Variants in CCDC74A observed in about 807,000 individuals in gnomAD.
CCDC74A encodes coiled-coil domain containing 74A.
Under a neutral mutation model 37.6 loss-of-function variants are expected in CCDC74A, and 38 were observed. That is an observed-to-expected ratio of 1.01 (90% CI 0.78 to 1.33). The LOEUF (loss-of-function observed/expected upper bound fraction) is 1.33. CCDC74A is among the 40% of genes most tolerant of loss of function. The pLI, the probability that CCDC74A is intolerant of heterozygous loss-of-function variation, is 0.00. For synonymous variants in CCDC74A, 134 were observed against 165.2 expected (o/e 0.81, Z 1.45); for missense variants, 340 against 403.4 (o/e 0.84, Z 1.35).
upstream of CCDC74A, among the ~76,000 whole-genome samples, chr2:131,522,777 C>G (rs1383741978): frequency 6.6e-6 from 1 of 152,212 alleles, no homozygotes; most frequent in African/African-American, 2.4e-5. Context: ...CTTGTGCAAG[C>G]AACTCACAAG....
chr2:131,530,297 C>T (rs1484753475), intron 2 of CCDC74A: 4 of 1,543,046 alleles, frequency 2.6e-6, no homozygotes, highest in Non-Finnish European at 3.5e-6. Flanking sequence ...CTGGGGCTGA[C>T]ATCAGGAGGA....
chr2:131,525,337 G>C (rs1190524185), upstream of CCDC74A, among the ~76,000 whole-genome samples: 1 of 151,834 alleles, frequency 6.6e-6, no homozygotes. Flanking sequence ...CTGCATCTCA[G>C]CCTTCTCAGT....
Position 131,532,617 on chromosome 2 carries a change from G to A in CCDC74A, c.514G>A (p.Gly172Arg). 1 of 1,603,698 alleles carries A rather than the reference G, an allele frequency of 6.2e-7. No homozygotes were observed. Among genetic ancestry groups the A allele is most frequent in the Non-Finnish European group, 8.5e-7 (1 of 1,175,274 alleles). ...RKEKAEASNA[G>R]AACMGNSQHQ... ...GGAGAAAGCAGAGGCCTCTAATGCA[G>A]GAGCTGCCTGTATGGGGAACAGCCA... Residue 172 changes from glycine (G) to arginine (R), a missense_variant, in exon 5 of 8, where the codon GGA (glycine) becomes AGA (arginine). Around this residue, in one of 3 missense-constraint regions of CCDC74A, gnomAD observed 185 missense variants for 231.5 expected, o/e 0.80. Coordinates refer to ENST00000409856, the MANE Select transcript of CCDC74A (RefSeq NM_001258306.3).
At chr2:131,530,150 C>T in intron 2 of CCDC74A, 1 of 1,549,736 alleles carries the variant, frequency 6.5e-7, no homozygotes, top group Non-Finnish European at 8.7e-7. Flanking sequence ...TGGGCAGCAA[C>T]CATGGGGACA....
rs1681582188 is a variant in CCDC74A at position 131,532,783 on chromosome 2, T to G, written c.678+2T>G. The G allele has an allele frequency of 6.2e-7, 1 of 1,613,008 alleles. No individual in the cohort carries two copies. On this transcript the variant is annotated splice_donor_variant, in intron 5 of 7. Transcript: ENST00000409856. LOFTEE classifies it high-confidence loss of function. ...ACCAACCTCCTGCAGACCCAAGAGG[T>G]GAGGCCCTGGGTGGTGGGGGTGGCC...
chr2:131,529,886 C>T, intron 2 of CCDC74A, 195 bp downstream of exon 2: 1 of 1,495,486 alleles, frequency 6.7e-7, no homozygotes, highest in Non-Finnish European at 8.9e-7. Context: ...ACAGCACGTG[C>T]TGCTCTCGGG....
chr2:131,522,883 C>G (rs1026097387), upstream of CCDC74A, among the ~76,000 whole-genome samples: 1 of 152,126 alleles, frequency 6.6e-6, no homozygotes, highest in Non-Finnish European at 1.5e-5. Context: ...ACCAATAACC[C>G]TGACATTTCC....
chr2:131,531,109 T>C (rs1384565425), intron 3 of CCDC74A, among the ~76,000 whole-genome samples: 41 of 152,064 alleles, frequency 2.7e-4, no homozygotes, highest in Admixed American at 5.2e-4. Flanking sequence ...CGGGTGGCCT[T>C]CTAGGGAGGA....
At chr2:131,522,659 C>T in the CCDC74A span, among the ~76,000 whole-genome samples, 1 of 152,162 alleles carries the variant, frequency 6.6e-6, no homozygotes, top group Non-Finnish European at 1.5e-5. Flanking sequence ...GTCCTCCTTG[C>T]CCCGAGGCAA....
At chr2:131,524,883 A>C (rs1230807304), upstream of CCDC74A, among the ~76,000 whole-genome samples, 1 of 93,396 alleles carries the variant, frequency 1.1e-5, no homozygotes, top group Non-Finnish European at 2.0e-5. Flanking sequence ...CAACATAGTA[A>C]GACAAAAAAA....
Position 131,527,950 on chromosome 2 carries a change from A to T in CCDC74A, c.-21A>T. On this transcript the variant is annotated 5_prime_UTR_variant, in exon 1 of 8. Transcript: ENST00000409856. ...TGAGCCGGGGTGCAGTGGCAGCGGGAGAGTACCTGGCGATGGCGATATGAG... is the reference window on the plus strand; with the variant it reads ...TGAGCCGGGGTGCAGTGGCAGCGGGTGAGTACCTGGCGATGGCGATATGAG... The T allele has an allele frequency of 7.0e-7, 1 of 1,420,680 alleles. No homozygotes were observed. Among genetic ancestry groups the T allele is most frequent in the Middle Eastern group, 2.6e-4 (1 of 3,794 alleles). 88.0% of individuals were successfully genotyped at this position (1,420,680 alleles called of 1,614,324 possible).
chr2:131,523,197 G>A (rs1051315256), upstream of CCDC74A, among the ~76,000 whole-genome samples: 2 of 152,310 alleles, frequency 1.3e-5, no homozygotes, highest in Middle Eastern at 3.4e-3. Flanking sequence ...GAGCCACCAC[G>A]CTGGAGAGAG....
intron 1 of CCDC74A, among the ~76,000 whole-genome samples, chr2:131,528,834 A>G (rs980154990): frequency 6.6e-6 from 1 of 152,164 alleles, no homozygotes; most frequent in African/African-American, 2.4e-5. Context: ...CAAAAACTTT[A>G]TACAGGGAAA....
chr2:131,531,155 C>T (rs188850815), intron 3 of CCDC74A, among the ~76,000 whole-genome samples: 2,498 of 152,200 alleles, frequency 0.016, 57 homozygotes, highest in African/African-American at 0.055. Context: ...CCTGCTTGGC[C>T]GTGTCCCTGC....
upstream of CCDC74A, chr2:131,527,765 G>T (rs1680422907): frequency 2.0e-5 from 15 of 733,032 alleles, no homozygotes; most frequent in Non-Finnish European, 2.8e-5. Context: ...AAACTTCGGG[G>T]ATTACAGGCG....
rs1287038039 is a variant in CCDC74A at position 131,528,240 on chromosome 2, T to C, written c.250+20T>C. On this transcript the variant is annotated intron_variant, in intron 1 of 7. Transcript: ENST00000409856. ...ACAAGGGTGAGCCGGCGCGGGGCCC[T>C]AGGCCGGCCCTGCCTCCCCAGGCAC... 1.9e-6 allele frequency: 3 copies of C among 1,609,530 alleles called. No homozygotes were observed. Among genetic ancestry groups the C allele is most frequent in the Admixed American group, 1.7e-5 (1 of 59,670 alleles).
chr2:131,526,146 CTT>C (rs369118247), upstream of CCDC74A, among the ~76,000 whole-genome samples: 119 of 126,578 alleles, frequency 9.4e-4, no homozygotes, highest in African/African-American at 3.3e-3. Flanking sequence ...CTTTTTTTTC[CTT>C]TTTTTTTTTT....
Position 131,533,332 on chromosome 2 carries a change from C to T in CCDC74A, c.873C>T (p.Asn291=). 6.2e-7 allele frequency: 1 copy of T among 1,613,562 alleles called. No homozygotes were observed. Among genetic ancestry groups the T allele is most frequent in the Non-Finnish European group, 8.5e-7 (1 of 1,179,974 alleles). ...CACTGAAGCAGACCCCGAAGAACAA[C>T]TTTGCCGAGAGGCAGAAGAGGCTGC... is the stretch of plus-strand genomic sequence containing the variant. The part of the protein sequence containing the change: ...LPALKQTPKN[N]FAERQKRLQA... The change falls in exon 8 of 8, where the codon AAC becomes AAT. Residue 291 remains asparagine (N), a synonymous_variant. Coordinates refer to ENST00000409856, the MANE Select transcript of CCDC74A (RefSeq NM_001258306.3).
chr2:131,525,965 G>C (rs534957656), upstream of CCDC74A, among the ~76,000 whole-genome samples: 1 of 151,076 alleles, frequency 6.6e-6, no homozygotes, highest in Non-Finnish European at 1.5e-5. Flanking sequence ...TGATCCGCCC[G>C]CCTCGGCCTC....
Sources: allele counts gnomAD v4.1 joint callset (sites outside exome capture counted in the v4.1 genomes callset), GRCh38; gene constraint gnomAD v4.1.1; regional missense constraint gnomAD v4.1.1; transcripts MANE v1.5; gene names NCBI Gene and HGNC (gene_info 2026-07-23, HGNC 2026-07-21).